The following CSMD1 variants were observed in gnomAD, a reference collection of about 807,000 sequenced individuals.
CSMD1 encodes CUB and Sushi multiple domains 1.
Under a neutral mutation model 417.5 loss-of-function variants are expected in CSMD1, and 213 were observed. That is an observed-to-expected ratio of 0.51 (90% CI 0.46 to 0.57). CSMD1 has a LOEUF of 0.57. Ranked by LOEUF, CSMD1 falls within the 20% of genes least tolerant of loss-of-function variation. The pLI is 0.00. For missense variants in CSMD1, 6,923 were observed against 4,529.7 expected (o/e 1.53, Z -15.17); for synonymous variants, 2,862 against 1,736.8 (o/e 1.65, Z -16.11).
intron 26 of CSMD1, among the ~76,000 whole-genome samples, chr8:3,236,673 A>G (rs1799172469): frequency 6.6e-6 from 1 of 152,204 alleles, no homozygotes; most frequent in Non-Finnish European, 1.5e-5. Context: ...GCACGCTGTC[A>G]TTCCTCTTCC....
At chr8:3,251,971 CAA>C (rs1167099813) in intron 26 of CSMD1, among the ~76,000 whole-genome samples, 1 of 152,298 alleles carries the variant, frequency 6.6e-6, no homozygotes, top group Middle Eastern at 3.4e-3. Flanking sequence ...TGGGCTGAGA[CAA>C]TGCGGTTTTC....
At chr8:3,233,579 C>T (rs532163235) in intron 26 of CSMD1, among the ~76,000 whole-genome samples, 120 of 152,302 alleles carry the variant, frequency 7.9e-4, no homozygotes, top group Non-Finnish European at 1.5e-3. Context: ...TTAGTAAGGA[C>T]ATGTGATGGC....
chr8:3,982,599 T>C (rs1008788716), intron 5 of CSMD1, among the ~76,000 whole-genome samples: 15 of 148,154 alleles, frequency 1.0e-4, no homozygotes, highest in Non-Finnish European at 1.9e-4. Context: ...ACTACTATTA[T>C]GAAGTACTGC....
At chr8:2,976,303 C>A (rs1357816918) in intron 55 of CSMD1, among the ~76,000 whole-genome samples, 1 of 151,954 alleles carries the variant, frequency 6.6e-6, no homozygotes, top group Non-Finnish European at 1.5e-5. Flanking sequence ...GAGGCATTAT[C>A]CCTTTTATTG....
In CSMD1 at chr8:3,404,029, G is replaced by T. The variant is rs367747116; in HGVS notation, c.2266+1998C>A. Among the ~76,000 whole-genome samples the T allele has an allele frequency of 1.3e-4, 20 of 152,272 alleles. No individual in the cohort carries two copies. In the South Asian group the frequency reaches 4.1e-3, roughly 32 times the overall value. ...AAATTGTTTTAACAATGTATGAAAAGGGTGAACATCAGAATACCCTCCTTT... is the reference window on the plus strand; with the variant it reads ...AAATTGTTTTAACAATGTATGAAAATGGTGAACATCAGAATACCCTCCTTT... On this transcript the variant is annotated intron_variant, in intron 15 of 69. Transcript: ENST00000635120.
At chr8:4,333,567 A>C (rs949571658) in intron 3 of CSMD1, among the ~76,000 whole-genome samples, 7 of 152,172 alleles carry the variant, frequency 4.6e-5, no homozygotes, top group African/African-American at 1.7e-4. Context: ...CATGACATGC[A>C]ATATGCGTTA....
At chr8:4,051,655 A>C (rs575908446) in intron 3 of CSMD1, among the ~76,000 whole-genome samples, 107 of 152,252 alleles carry the variant, frequency 7.0e-4, no homozygotes, top group African/African-American at 2.5e-3. Flanking sequence ...TAAAATGGTG[A>C]GCAGGATAAA....
chr8:4,123,180 G>A (rs941337683), intron 3 of CSMD1, among the ~76,000 whole-genome samples: 37 of 152,288 alleles, frequency 2.4e-4, no homozygotes, highest in East Asian at 1.2e-3. Context: ...TTTATAACTC[G>A]GCTACATGAT....
chr8:4,870,440 C>G (rs1802672015), intron 1 of CSMD1, among the ~76,000 whole-genome samples: 1 of 152,118 alleles, frequency 6.6e-6, no homozygotes, highest in Non-Finnish European at 1.5e-5. Flanking sequence ...TATTCCATAA[C>G]TTGAATGCAC....
At chr8:4,656,278 C>A (rs1005536169) in intron 1 of CSMD1, among the ~76,000 whole-genome samples, 19 of 151,866 alleles carry the variant, frequency 1.3e-4, no homozygotes, top group Non-Finnish European at 2.5e-4. Flanking sequence ...AGCCAGTGAG[C>A]CTAGTGAAGA....
chr8:4,100,251 A>T (rs895206358), intron 3 of CSMD1, among the ~76,000 whole-genome samples: 4 of 152,222 alleles, frequency 2.6e-5, no homozygotes, highest in Non-Finnish European at 5.9e-5. Flanking sequence ...AACAGTAGGC[A>T]TGCAGTTAAT....
chr8:4,337,677 T>G (rs10092995), intron 3 of CSMD1, among the ~76,000 whole-genome samples: 8,854 of 152,224 alleles, frequency 0.058, 770 homozygotes, highest in African/African-American at 0.19. Context: ...CAGACAATTT[T>G]TTCTTTAAGC....
intron 3 of CSMD1, among the ~76,000 whole-genome samples, chr8:4,101,840 A>T (rs893356457): frequency 2.0e-5 from 3 of 152,190 alleles, no homozygotes; most frequent in Non-Finnish European, 2.9e-5. Flanking sequence ...ACATCTCTGA[A>T]TTGAATCTGA....
intron 5 of CSMD1, among the ~76,000 whole-genome samples, chr8:3,797,576 G>A (rs751974309): frequency 6.6e-6 from 1 of 151,800 alleles, no homozygotes; most frequent in African/African-American, 2.4e-5. Flanking sequence ...ATATTTTCAA[G>A]ATTCACAAAT....
At chr8:4,356,694 G>C (rs879517977) in intron 3 of CSMD1, among the ~76,000 whole-genome samples, 4 of 152,028 alleles carry the variant, frequency 2.6e-5, no homozygotes, top group African/African-American at 4.8e-5. Context: ...CATGTGTTTT[G>C]TCCTTCTCAC....
At chr8:3,311,282 G>A (rs930405924) in intron 23 of CSMD1, among the ~76,000 whole-genome samples, 12 of 151,934 alleles carry the variant, frequency 7.9e-5, no homozygotes, top group African/African-American at 2.9e-4. Flanking sequence ...AATGCAGTCT[G>A]TCTGTTGCCC....
intron 3 of CSMD1, among the ~76,000 whole-genome samples, chr8:4,073,411 G>A (rs187981889): frequency 1.0e-3 from 154 of 152,140 alleles, no homozygotes; most frequent in African/African-American, 3.6e-3. Context: ...AAGAAGCTGA[G>A]GGAAATTTTG....
chr8:4,001,133 A>C (rs924086843), intron 4 of CSMD1, among the ~76,000 whole-genome samples: 1 of 152,192 alleles, frequency 6.6e-6, no homozygotes, highest in Non-Finnish European at 1.5e-5. Flanking sequence ...TCTATTATTT[A>C]AAAAGCTTTG....
chr8:3,992,107 G>T (rs2130290719), intron 5 of CSMD1, among the ~76,000 whole-genome samples: 1 of 145,528 alleles, frequency 6.9e-6, no homozygotes, highest in East Asian at 2.0e-4. Context: ...TCAAGAAAAG[G>T]AGAAATGTGT....
Sources: gnomAD v4.1 joint callset for allele counts (sites outside exome capture counted in the v4.1 genomes callset) on GRCh38, gnomAD v4.1.1 for gene constraint, MANE v1.5 for transcripts, NCBI Gene and HGNC (gene_info 2026-07-23, HGNC 2026-07-21) for gene names.